Variants in PRKAR1A observed in about 807,000 individuals in gnomAD.
PRKAR1A encodes protein kinase cAMP-dependent type I regulatory subunit alpha.
Under a neutral mutation model 52.0 loss-of-function variants are expected in PRKAR1A, and 3 were observed. That is an observed-to-expected ratio of 0.06 (90% CI 0.03 to 0.15). The LOEUF (loss-of-function observed/expected upper bound fraction) is 0.15. Ranked by LOEUF, PRKAR1A falls within the 10% of genes least tolerant of loss-of-function variation. The pLI, the probability that PRKAR1A is intolerant of heterozygous loss-of-function variation, is 1.00. For synonymous variants in PRKAR1A, 188 were observed against 168.4 expected (o/e 1.12, Z -0.90); for missense variants, 240 against 477.4 (o/e 0.50, Z 4.63).
At chr17:68,507,803 G>T (rs2085216594), upstream of PRKAR1A, among the ~76,000 whole-genome samples, 1 of 152,030 alleles carries the variant, frequency 6.6e-6, no homozygotes, top group African/African-American at 2.4e-5. Flanking sequence ...AACAGCTTAG[G>T]CCTAGGAGAT....
At chr17:68,484,045 T>C in the PRKAR1A span, among the ~76,000 whole-genome samples, 1 of 152,200 alleles carries the variant, frequency 6.6e-6, no homozygotes, top group African/African-American at 2.4e-5. Context: ...ACTTTGTTTT[T>C]GTTATTCTAG....
At chr17:68,421,739 G>C in the PRKAR1A span, 4 of 1,614,080 alleles carry the variant, frequency 2.5e-6, no homozygotes, top group Non-Finnish European at 3.4e-6. Flanking sequence ...CACCTGATAG[G>C]GGGGATGTCC....
chr17:68,446,900 G>A, the PRKAR1A span, among the ~76,000 whole-genome samples: 1 of 152,186 alleles, frequency 6.6e-6, no homozygotes, highest in African/African-American at 2.4e-5. Flanking sequence ...AAGACTAAAC[G>A]CAGAGGGAAA....
chr17:68,490,841 C>T, the PRKAR1A span, among the ~76,000 whole-genome samples: 426 of 152,192 alleles, frequency 2.8e-3, 2 homozygotes, highest in African/African-American at 9.6e-3. Flanking sequence ...ACATTACCCG[C>T]TTGAGAACAG....
At chr17:68,437,067 A>G in the PRKAR1A span, among the ~76,000 whole-genome samples, 1 of 145,726 alleles carries the variant, frequency 6.9e-6, no homozygotes, top group Non-Finnish European at 1.5e-5. Context: ...ATTTTACCCC[A>G]GGACTCTGAA....
At chr17:68,422,068 T>C in the PRKAR1A span, 1 of 493,586 alleles carries the variant, frequency 2.0e-6, no homozygotes, top group South Asian at 2.6e-5. Context: ...TGTATTTATA[T>C]GTATATGTAT....
chr17:68,530,185 T>A, intron 10 of PRKAR1A, 92 bp from the exon 11 acceptor site: 1 of 1,534,410 alleles, frequency 6.5e-7, no homozygotes. Flanking sequence ...ACTGATTGTC[T>A]CATATCTATT....
chr17:68,544,217 G>A (rs557963021), intron 11 of PRKAR1A, among the ~76,000 whole-genome samples: 2 of 147,810 alleles, frequency 1.4e-5, no homozygotes, highest in African/African-American at 2.5e-5. Context: ...CTGGGTCTTA[G>A]GGGGATGTGG....
chr17:68,481,449 T>C, the PRKAR1A span, among the ~76,000 whole-genome samples: 1 of 152,162 alleles, frequency 6.6e-6, no homozygotes, highest in Non-Finnish European at 1.5e-5. Flanking sequence ...TGGGAGATAG[T>C]GACAGATCAT....
At chr17:68,539,349 G>C in intron 11 of PRKAR1A, 1 of 1,614,194 alleles carries the variant, frequency 6.2e-7, no homozygotes, top group South Asian at 1.1e-5. Flanking sequence ...GCAGCACTGG[G>C]AGAGAGGCGA....
intron 7 of PRKAR1A, among the ~76,000 whole-genome samples, chr17:68,526,178 T>C (rs1451409740): frequency 6.6e-6 from 1 of 152,222 alleles, no homozygotes; most frequent in East Asian, 1.9e-4. Flanking sequence ...CATCTCATGT[T>C]TGGAAATCTA....
intron 1 of PRKAR1A, among the ~76,000 whole-genome samples, chr17:68,513,729 A>G (rs996770061): frequency 3.3e-5 from 5 of 152,204 alleles, no homozygotes; most frequent in African/African-American, 9.6e-5. Context: ...TAATTTTGGT[A>G]CATTTCTGTT....
upstream of PRKAR1A, among the ~76,000 whole-genome samples, chr17:68,510,159 C>CAGAGAGAGAGAGAGAGGAGAGAGAG: frequency 7.8e-6 from 1 of 127,632 alleles, no homozygotes; most frequent in African/African-American, 2.9e-5. Context: ...TATATGTAGA[C>CAGAGAGAGAGAGAGAGGAGAGAGAG]AGAGAGAGAG....
At chr17:68,491,723 C>T in the PRKAR1A span, among the ~76,000 whole-genome samples, 7 of 151,888 alleles carry the variant, frequency 4.6e-5, no homozygotes, top group African/African-American at 1.7e-4. Flanking sequence ...GGACTTGGGG[C>T]TTGGAGTAAG....
At chr17:68,486,515 T>TCCTTCCTTCCTTCCTTCCTTCCC in the PRKAR1A span, among the ~76,000 whole-genome samples, 29 of 58,664 alleles carry the variant, frequency 4.9e-4, no homozygotes, top group African/African-American at 1.1e-3. Context: ...CCTTCTTTCT[T>TCCTTCCTTCCTTCCTTCCTTCCC]TCTTTCTTTC....
intron 5 of PRKAR1A, 116 bp downstream of exon 5, chr17:68,524,193 T>C: frequency 3.0e-6 from 3 of 1,002,490 alleles, no homozygotes; most frequent in Non-Finnish European, 4.5e-6. Flanking sequence ...ACTTTTTTTT[T>C]TCTGTTATAC....
the PRKAR1A span, among the ~76,000 whole-genome samples, chr17:68,442,668 T>G: frequency 6.6e-6 from 1 of 152,072 alleles, no homozygotes; most frequent in Non-Finnish European, 1.5e-5. Context: ...CCCAAATCCC[T>G]GAAGGCCCAG....
chr17:68,470,334 C>A, the PRKAR1A span, among the ~76,000 whole-genome samples: 3 of 152,242 alleles, frequency 2.0e-5, no homozygotes, highest in African/African-American at 7.2e-5. Flanking sequence ...CCCGCCTTGG[C>A]CTCCCAAAGT....
At chr17:68,485,289 A>T in the PRKAR1A span, among the ~76,000 whole-genome samples, 1 of 152,216 alleles carries the variant, frequency 6.6e-6, no homozygotes, top group Non-Finnish European at 1.5e-5. Context: ...AGTGACCCCT[A>T]AAATGAGCTA....
Sources: gnomAD v4.1 joint callset for allele counts (sites outside exome capture counted in the v4.1 genomes callset) on GRCh38, gnomAD v4.1.1 for gene constraint, MANE v1.5 for transcripts, NCBI Gene and HGNC (gene_info 2026-07-23, HGNC 2026-07-21) for gene names.